TLCD4: variants seen among roughly 807,000 people sequenced by gnomAD.
The protein encoded by TLCD4 is TLC domain containing 4, also known as TLC domain-containing protein 4.
TLCD4 carries 7 observed loss-of-function variants against 24.2 expected under a neutral mutation model. The ratio of observed to expected loss-of-function variants is 0.29; its 90% CI spans 0.16 to 0.54. The LOEUF (loss-of-function observed/expected upper bound fraction) is 0.54, where lower values mean the gene tolerates loss of function less well. TLCD4 is among the 20% of genes least tolerant of loss of function. The pLI is 0.95. For synonymous variants in TLCD4, 103 were observed against 106.4 expected (o/e 0.97, Z 0.20); for missense variants, 259 against 313.9 (o/e 0.82, Z 1.32).
At chr1:95,180,539 G>A (rs1284064336) in intron 6 of TLCD4, among the ~76,000 whole-genome samples, 1 of 152,140 alleles carries the variant, frequency 6.6e-6, no homozygotes, top group Non-Finnish European at 1.5e-5. Flanking sequence ...TATATAAGAA[G>A]GCACATGGCA....
rs1372443166 is a variant in TLCD4 at position 95,195,444 on chromosome 1, T to C, written c.*3576T>C. 6.6e-6 allele frequency: 1 copy of C among 152,222 alleles called. No individual in the cohort carries two copies. The highest frequency in any genetic ancestry group is 1.5e-5 in the Non-Finnish European group (1 of 68,026). The allele number at this position is 152,222 out of a possible 1,614,324, so 9.4% of individuals were successfully genotyped here. On this transcript the variant is annotated 3_prime_UTR_variant, in exon 7 of 7. Transcript: ENST00000370203. The stretch of plus-strand genomic sequence containing the variant: ...TCTTAATTCCAAACATTTAAATAAA[T>C]GTGCATTTGAATAGCTTTAGGTGGT...
At position 95,194,138 on chromosome 1, in the gene TLCD4, G is replaced by GT. The variant is rs1679115110; in HGVS notation, c.*2270_*2271insT. 1 of 151,994 alleles carries GT rather than the reference G, an allele frequency of 6.6e-6. No homozygotes were observed. Among genetic ancestry groups the GT allele is most frequent in the Non-Finnish European group, 1.5e-5 (1 of 67,958 alleles). The allele number at this position is 151,994 out of a possible 1,614,324, so 9.4% of individuals were successfully genotyped here. On this transcript the variant is annotated 3_prime_UTR_variant, in exon 7 of 7. Coordinates refer to ENST00000370203, the MANE Select transcript of TLCD4 (RefSeq NM_152487.3). ...ACTTTCATTAATGTTACCCTTCACT[G>GT]GTATAGCCACTCACTAAATAAGTAT...
chr1:95,154,850 A>G (rs902668929), intron 5 of TLCD4, among the ~76,000 whole-genome samples: 11 of 148,358 alleles, frequency 7.4e-5, no homozygotes, highest in Non-Finnish European at 1.6e-4. Flanking sequence ...ACTGACCCAG[A>G]GTCTCAAGCA....
Position 95,151,377 on chromosome 1 carries a change from A to C in TLCD4, c.357A>C (p.Ile119=), listed in dbSNP as rs1355760002. Residue 119 remains isoleucine (I), a synonymous_variant, in exon 5 of 7, where the codon ATA becomes ATC. Transcript: ENST00000370203. ...YWKVIGDKFF[I]MHHCASLYAY... The stretch of plus-strand genomic sequence containing the variant: ...AAGTGATTGGTGACAAATTTTTTAT[A>C]ATGCATCATTGTGCGTCCCTGTATG... The C allele has an allele frequency of 1.9e-6, 3 of 1,613,324 alleles. No individual in the cohort carries two copies. Among genetic ancestry groups the C allele is most frequent in the Non-Finnish European group, 2.5e-6 (3 of 1,179,488 alleles).
chr1:95,162,639 C>T (rs533287105), intron 5 of TLCD4, among the ~76,000 whole-genome samples: 4 of 152,210 alleles, frequency 2.6e-5, no homozygotes, highest in African/African-American at 9.6e-5. Context: ...GTGGTTAGTA[C>T]TGGTTGTTCC....
the TLCD4 span, among the ~76,000 whole-genome samples, chr1:95,092,629 T>C: frequency 1.3e-5 from 2 of 152,218 alleles, no homozygotes; most frequent in South Asian, 4.1e-4. Flanking sequence ...GCTTCACTCC[T>C]GAAGCCAGCA....
chr1:95,174,698 A>G (rs895284332), intron 6 of TLCD4, among the ~76,000 whole-genome samples: 4 of 152,080 alleles, frequency 2.6e-5, no homozygotes, highest in African/African-American at 7.2e-5. Context: ...TATTTTTTTT[A>G]AAAGACTACT....
chr1:95,183,056 T>C (rs1203340315), intron 6 of TLCD4, among the ~76,000 whole-genome samples: 1 of 152,146 alleles, frequency 6.6e-6, no homozygotes, highest in Non-Finnish European at 1.5e-5. Flanking sequence ...GAGAAAGACA[T>C]TCTGGAAAGA....
At chr1:95,127,396 G>C (rs1431582287) in intron 1 of TLCD4, among the ~76,000 whole-genome samples, 9 of 152,196 alleles carry the variant, frequency 5.9e-5, no homozygotes, top group African/African-American at 2.2e-4. Flanking sequence ...GAGGTGAGAA[G>C]AACTTCCCTG....
At chr1:95,099,306 A>G in the TLCD4 span, among the ~76,000 whole-genome samples, 9 of 152,100 alleles carry the variant, frequency 5.9e-5, no homozygotes, top group Non-Finnish European at 1.3e-4. Flanking sequence ...CACAAACTAA[A>G]TAAGAACAAC....
At chr1:95,118,528 G>A (rs1474351306) in intron 1 of TLCD4, among the ~76,000 whole-genome samples, 1 of 152,184 alleles carries the variant, frequency 6.6e-6, no homozygotes, top group Non-Finnish European at 1.5e-5. Context: ...TGGAGAAGAT[G>A]GAAGAGTTTG....
intron 1 of TLCD4, among the ~76,000 whole-genome samples, chr1:95,121,619 C>T (rs55946909): frequency 0.029 from 4,382 of 152,248 alleles, 85 homozygotes; most frequent in East Asian, 0.057. Context: ...TACAGGCACC[C>T]GCCACCACCC....
chr1:95,100,221 C>T, the TLCD4 span, among the ~76,000 whole-genome samples: 1 of 152,100 alleles, frequency 6.6e-6, no homozygotes, highest in Non-Finnish European at 1.5e-5. Context: ...AGTTAAGTAA[C>T]ACACTCAAAG....
chr1:95,176,268 T>A (rs1678425383), intron 6 of TLCD4, among the ~76,000 whole-genome samples: 1 of 152,008 alleles, frequency 6.6e-6, no homozygotes, highest in South Asian at 2.1e-4. Flanking sequence ...CTTGGCTCAC[T>A]GCAACCTCTA....
intron 1 of TLCD4, among the ~76,000 whole-genome samples, chr1:95,141,162 A>T (rs1677187398): frequency 6.6e-6 from 1 of 152,232 alleles, no homozygotes; most frequent in Non-Finnish European, 1.5e-5. Flanking sequence ...CTTACCTGAT[A>T]ATAATTCTGT....
chr1:95,103,384 C>T, the TLCD4 span, among the ~76,000 whole-genome samples: 1 of 152,094 alleles, frequency 6.6e-6, no homozygotes, highest in African/African-American at 2.4e-5. Flanking sequence ...AGATAGAGCT[C>T]GTAGAAGTTC....
chr1:95,177,989 C>T (rs1222822230), intron 6 of TLCD4, among the ~76,000 whole-genome samples: 1 of 142,496 alleles, frequency 7.0e-6, no homozygotes, highest in Non-Finnish European at 1.5e-5. Flanking sequence ...CTCGCTCCAT[C>T]GTCCAGGCTA....
the TLCD4 span, among the ~76,000 whole-genome samples, chr1:95,108,373 G>T: frequency 2.6e-5 from 4 of 152,064 alleles, no homozygotes; most frequent in Admixed American, 1.3e-4. Flanking sequence ...ATATTTTCAT[G>T]GAATGCATTT....
chr1:95,178,031 AC>A (rs1678495211), intron 6 of TLCD4, among the ~76,000 whole-genome samples: 1 of 150,438 alleles, frequency 6.6e-6, no homozygotes, highest in Non-Finnish European at 1.5e-5. Context: ...GCTCACTGCA[AC>A]CTACACCTCC....
Sources: allele counts gnomAD v4.1 joint callset (sites outside exome capture counted in the v4.1 genomes callset), GRCh38; gene constraint gnomAD v4.1.1; transcripts MANE v1.5; gene names NCBI Gene and HGNC (gene_info 2026-07-23, HGNC 2026-07-21).